The following SBF2 variants were observed in gnomAD, a reference collection of about 807,000 sequenced individuals.
SBF2 encodes the protein SET binding factor 2, also known as myotubularin-related protein 13.
In SBF2, 112 loss-of-function variants were observed where a neutral mutation model predicts 225.2. The ratio of observed to expected loss-of-function variants is 0.50; its 90% confidence interval spans 0.43 to 0.58. The LOEUF (loss-of-function observed/expected upper bound fraction) is 0.58, where lower values mean the gene tolerates loss of function less well. Among genes scored for constraint, SBF2 ranks in the 20% least tolerant of loss-of-function variants. The pLI is 0.00. For synonymous variants in SBF2, 763 were observed against 773.3 expected, an observed-to-expected ratio of 0.99 and a Z score of 0.22; for missense variants, 1,996 against 2,206.2, an observed-to-expected ratio of 0.90 and a Z score of 1.91.
At chr11:9,930,632 T>C (rs771801134) in intron 16 of SBF2, among the ~76,000 whole-genome samples, 1 of 152,200 alleles carries the variant, frequency 6.6e-6, no homozygotes, top group Non-Finnish European at 1.5e-5. Context: ...GAGATCCGTT[T>C]CAAGATGGCT....
intron 13 of SBF2, among the ~76,000 whole-genome samples, chr11:9,976,796 T>G (rs1215302737): frequency 6.6e-6 from 1 of 151,428 alleles, no homozygotes; most frequent in Non-Finnish European, 1.5e-5. Flanking sequence ...TGAGATGGAG[T>G]CTCGCTCTGT....
chr11:10,194,532 G>T (rs1367824183), intron 1 of SBF2, among the ~76,000 whole-genome samples: 2 of 151,906 alleles, frequency 1.3e-5, no homozygotes, highest in African/African-American at 4.8e-5. Flanking sequence ...TTTTTTTGAG[G>T]CAGAGTCTTG....
chr11:10,125,655 T>G (rs1187718127), intron 2 of SBF2, among the ~76,000 whole-genome samples: 1 of 152,192 alleles, frequency 6.6e-6, no homozygotes, highest in African/African-American at 2.4e-5. Flanking sequence ...TACAGTTGTT[T>G]GAACTAAGAA....
chr11:9,944,087 T>C (rs1340156447), intron 16 of SBF2, among the ~76,000 whole-genome samples: 1 of 152,224 alleles, frequency 6.6e-6, no homozygotes, highest in Non-Finnish European at 1.5e-5. Context: ...TGCTGCTCAA[T>C]GAATACTTAT....
chr11:10,091,791 T>G (rs183513404), intron 2 of SBF2, among the ~76,000 whole-genome samples: 2 of 152,290 alleles, frequency 1.3e-5, no homozygotes, highest in East Asian at 3.9e-4. Flanking sequence ...ATTTTGTGGT[T>G]TCCTGCACAA....
intron 1 of SBF2, among the ~76,000 whole-genome samples, chr11:10,285,394 G>GAA (rs57250673): frequency 1.4e-5 from 2 of 144,000 alleles, no homozygotes; most frequent in African/African-American, 5.1e-5. Context: ...TCTAGAATTA[G>GAA]AAAAAAAAAA....
chr11:9,795,977 GA>G lies in SBF2; in HGVS notation c.4444-21del. Reference sequence around the variant, plus strand: ...GTGAACCTGAAACACACAAGGCAAAGAAAAGAGTAAGAATCAAACAGAACAA... The same window carrying G: ...GTGAACCTGAAACACACAAGGCAAAGAAAGAGTAAGAATCAAACAGAACAA... On this transcript the variant is annotated intron_variant, in intron 32 of 39. Coordinates refer to ENST00000256190, the MANE Select transcript of SBF2 (RefSeq NM_030962.4). 6.2e-7 allele frequency: 1 copy of G among 1,611,002 alleles called. No individual in the cohort carries two copies. Among genetic ancestry groups the G allele is most frequent in the Non-Finnish European group, 8.5e-7 (1 of 1,179,570 alleles).
At chr11:10,236,564 A>T (rs553980222) in intron 1 of SBF2, among the ~76,000 whole-genome samples, 1 of 152,090 alleles carries the variant, frequency 6.6e-6, no homozygotes, top group African/African-American at 2.4e-5. Flanking sequence ...GGTTCAAGCA[A>T]TTCTCCTGCC....
At position 9,780,273 on chromosome 11, in the gene SBF2, G is replaced by A; in HGVS notation, c.*145C>T. On this transcript the variant is annotated 3_prime_UTR_variant, in exon 40 of 40. Coordinates refer to ENST00000256190, the MANE Select transcript of SBF2 (RefSeq NM_030962.4). ...CACCTATTCAGGTTAAGTAGATATA[G>A]CAACCCCTGCAAGAGGGGACTGGGC... 1.4e-6 allele frequency: 1 copy of A among 724,780 alleles called. No homozygotes were observed. The highest frequency in any genetic ancestry group is 2.7e-5 in the East Asian group (1 of 36,898). 44.9% of individuals were successfully genotyped at this position (724,780 alleles called of 1,614,324 possible).
At chr11:9,932,472 A>G (rs1468659625) in intron 16 of SBF2, among the ~76,000 whole-genome samples, 1 of 152,222 alleles carries the variant, frequency 6.6e-6, no homozygotes, top group Non-Finnish European at 1.5e-5. Context: ...GAGGGGGCCA[A>G]TATTCATCCT....
intron 3 of SBF2, 103 bp downstream of exon 3, chr11:10,042,741 C>T: frequency 8.5e-7 from 1 of 1,174,728 alleles, no homozygotes; most frequent in Admixed American, 1.7e-5. Flanking sequence ...TTATGCTAGC[C>T]CATAAAACTC....
At chr11:10,220,289 C>T (rs575861426) in intron 1 of SBF2, among the ~76,000 whole-genome samples, 2 of 152,286 alleles carry the variant, frequency 1.3e-5, no homozygotes, top group African/African-American at 2.4e-5. Context: ...GACCCACCCT[C>T]GCCCCACCAG....
chr11:10,035,419 C>G (rs928981404), intron 3 of SBF2, among the ~76,000 whole-genome samples: 2 of 152,136 alleles, frequency 1.3e-5, no homozygotes, highest in African/African-American at 4.8e-5. Context: ...CAAATGGGAT[C>G]TAATTAAACT....
chr11:9,904,059 G>T (rs978958839), intron 16 of SBF2, among the ~76,000 whole-genome samples: 2 of 151,940 alleles, frequency 1.3e-5, no homozygotes, highest in African/African-American at 4.8e-5. Flanking sequence ...GAGGGTGGGG[G>T]ACAGCTTTCT....
intron 2 of SBF2, among the ~76,000 whole-genome samples, chr11:10,067,031 A>G (rs1950650952): frequency 6.6e-6 from 1 of 152,196 alleles, no homozygotes; most frequent in Non-Finnish European, 1.5e-5. Flanking sequence ...TAATCCCAGC[A>G]TTTTGGGAGT....
rs556789008 is a variant in SBF2, at chr11:9,947,054, C to T, written c.1860+14903G>A. ...TATTTGATCTAATTAGATTGAAAAG[C>T]ATTAATAAGTTTTTTGCCAGCGGTT... On this transcript the variant is annotated intron_variant, in intron 16 of 39. Coordinates refer to ENST00000256190, the MANE Select transcript of SBF2 (RefSeq NM_030962.4). 5.3e-5 allele frequency among the ~76,000 whole-genome samples: 8 copies of T among 152,270 alleles called. No homozygotes were observed. The East Asian group carries it at 1.4e-3, about 26-fold the overall frequency.
chr11:10,082,163 C>T (rs535923089), intron 2 of SBF2, among the ~76,000 whole-genome samples: 1 of 152,234 alleles, frequency 6.6e-6, no homozygotes, highest in South Asian at 2.1e-4. Flanking sequence ...AACACACAAC[C>T]TCCCAAGACT....
chr11:9,957,457 C>T (rs11042568), intron 16 of SBF2: 58,108 of 148,478 alleles, frequency 0.39, 11,739 homozygotes, highest in Admixed American at 0.47. Flanking sequence ...ATATAATCTT[C>T]TTGTTTTTAT....
At chr11:10,000,031 C>T (rs1947889685) in intron 8 of SBF2, among the ~76,000 whole-genome samples, 1 of 152,196 alleles carries the variant, frequency 6.6e-6, no homozygotes, top group South Asian at 2.1e-4. Flanking sequence ...ATAATCTTTT[C>T]CTTACACTCT....
Sources: gnomAD v4.1 joint callset for allele counts (sites outside exome capture counted in the v4.1 genomes callset) on GRCh38, gnomAD v4.1.1 for gene constraint, MANE v1.5 for transcripts, NCBI Gene and HGNC (gene_info 2026-07-23, HGNC 2026-07-21) for gene names.